The following ZC3H13 variants were observed in gnomAD, a reference collection of about 807,000 sequenced individuals.
ZC3H13 encodes the protein zinc finger CCCH domain-containing protein 13.
ZC3H13 carries 64 observed loss-of-function variants against 204.1 expected under a neutral mutation model. That is an observed-to-expected ratio of 0.31 (90% CI 0.26 to 0.39). The LOEUF (loss-of-function observed/expected upper bound fraction) is 0.39, where lower values mean the gene tolerates loss of function less well. Ranked by LOEUF, ZC3H13 falls within the 10% of genes least tolerant of loss-of-function variation. The pLI is 1.00. For missense variants in ZC3H13, 1,833 were observed against 2,082.7 expected (o/e 0.88, Z 2.33); for synonymous variants, 667 against 693.7 (o/e 0.96, Z 0.60).
At chr13:45,998,594 A>G in intron 8 of ZC3H13, among the ~76,000 whole-genome samples, 1 of 152,048 alleles carries the variant, frequency 6.6e-6, no homozygotes, top group East Asian at 1.9e-4. Flanking sequence ...GCTTGCAATG[A>G]GCCAAGATTG....
At chr13:46,027,146 C>A (rs2042588576) in intron 4 of ZC3H13, among the ~76,000 whole-genome samples, 1 of 152,030 alleles carries the variant, frequency 6.6e-6, no homozygotes, top group South Asian at 2.1e-4. Context: ...AGCTCTGTTA[C>A]CCAGGCTGCA....
rs150275970 is a variant in ZC3H13, at chr13:45,969,002, C to G, written c.3542G>C (p.Arg1181Pro). Residue 1181 changes from arginine to proline, a missense_variant, in exon 14 of 19, where the codon CGC becomes CCC. By Grantham distance (103) the Arg-to-Pro change is moderately radical. This residue lies in a region of ZC3H13 where 1,574 missense variants were observed against 1,757.2 expected (regional missense o/e 0.90). Coordinates refer to ENST00000679008, the MANE Select transcript of ZC3H13 (RefSeq NM_001330564.2). ...GCTCCTCTTTTGATCCATAGGCTTG[C>G]GATGCTGTGCATCTTCTATAGTCAC... ...PHVTIEDAQH[R>P]KPMDQKRSSS... 2 of 1,614,146 alleles carry G rather than the reference C, an allele frequency of 1.2e-6. No homozygotes were observed. The highest frequency in any genetic ancestry group is 2.7e-5 in the African/African-American group (2 of 75,036).
rs1277422428 is a variant in ZC3H13 at position 45,955,658 on chromosome 13, C to T, written c.*1469G>A. On this transcript the variant is annotated 3_prime_UTR_variant, in exon 19 of 19. Transcript: ENST00000679008. ...AGTGGCTTCCTGAAGGGTATTCATT[C>T]TCTGAGGTCATACATTTTTTTTTTC... 1 of 151,980 alleles carries T rather than the reference C, an allele frequency of 6.6e-6. No homozygotes were observed. The highest frequency in any genetic ancestry group is 1.5e-5 in the Non-Finnish European group (1 of 67,940). 9.4% of individuals were successfully genotyped at this position (151,980 alleles called of 1,614,324 possible).
chr13:46,016,249 G>C (rs189963616), intron 5 of ZC3H13, among the ~76,000 whole-genome samples: 1 of 152,186 alleles, frequency 6.6e-6, no homozygotes, highest in Non-Finnish European at 1.5e-5. Flanking sequence ...ATATGTGTCT[G>C]TACATGTTTA....
At chr13:46,029,466 T>C (rs1450515641) in intron 4 of ZC3H13, among the ~76,000 whole-genome samples, 1 of 147,982 alleles carries the variant, frequency 6.8e-6, no homozygotes, top group Non-Finnish European at 1.5e-5. Context: ...TCTCGCTCTG[T>C]CGCCCAGGCT....
At position 45,957,340 on chromosome 13, in the gene ZC3H13, T is replaced by C. The variant is rs569335587; in HGVS notation, c.4840-43A>G. 7.9e-6 allele frequency: 11 copies of C among 1,400,196 alleles called. No homozygotes were observed. The African/African-American group carries it at 1.4e-4, about 18-fold the overall frequency. The allele number at this position is 1,400,196 out of a possible 1,614,324, so 86.7% of individuals were successfully genotyped here. A position where few individuals can be genotyped will look rare whatever the true frequency, so the allele number is the denominator to read the frequency against. Reference sequence around the variant, plus strand: ...AAACAAACTTTAAAAAAGATGTACATTATTAGTAGGAAAGATGGGCAGGTT... The same window carrying C: ...AAACAAACTTTAAAAAAGATGTACACTATTAGTAGGAAAGATGGGCAGGTT... On this transcript the variant is annotated intron_variant, in intron 18 of 18. Transcript: ENST00000679008.
intron 4 of ZC3H13, among the ~76,000 whole-genome samples, chr13:46,022,085 G>T (rs939522833): frequency 2.0e-5 from 3 of 151,830 alleles, no homozygotes; most frequent in Non-Finnish European, 4.4e-5. Flanking sequence ...TTTTTTATCA[G>T]ATTTAGAGCC....
At chr13:45,981,981 C>G (rs1034471846) in intron 10 of ZC3H13, among the ~76,000 whole-genome samples, 1 of 150,728 alleles carries the variant, frequency 6.6e-6, no homozygotes, top group East Asian at 1.9e-4. Context: ...AACTAACCTG[C>G]ACATTGTGCA....
chr13:45,988,806 T>C lies in ZC3H13; in HGVS notation c.1236A>G (p.Arg412=), dbSNP rs759047771. The C allele has an allele frequency of 2.5e-6, 4 of 1,612,640 alleles. No individual in the cohort carries two copies. In the Admixed American group the frequency reaches 6.7e-5, roughly 27 times the overall value. Residue 412 remains arginine, a synonymous_variant, in exon 9 of 19, where the codon CGA becomes CGG. Coordinates refer to ENST00000679008, the MANE Select transcript of ZC3H13 (RefSeq NM_001330564.2). ...ACACACCTTCCCTCCTTTCATGGCG[T>C]CGATCATGAGACTGTGAAGTTCGTT... is the stretch of plus-strand genomic sequence containing the variant. ...DHERTSQSHD[R]RHERREDTRG... is the part of the protein sequence containing the mutation.
chr13:45,999,027 C>G (rs1374186795), intron 8 of ZC3H13, among the ~76,000 whole-genome samples: 1 of 152,106 alleles, frequency 6.6e-6, no homozygotes, highest in Non-Finnish European at 1.5e-5. Flanking sequence ...TACTTGAGTC[C>G]AGGAGTTCAA....
Position 45,965,276 on chromosome 13 carries a change from T to C in ZC3H13, c.4474+4A>G, listed in dbSNP as rs774297020. On this transcript the variant is annotated splice_donor_region_variant and intron_variant, in intron 16 of 18. Coordinates refer to ENST00000679008, the MANE Select transcript of ZC3H13 (RefSeq NM_001330564.2). ...CATGTTTAACCACCTCTGCAAATAG[T>C]TACCTGGCATCTTCTCCTCATCCTG... 3 of 1,612,572 alleles carry C rather than the reference T, an allele frequency of 1.9e-6. No homozygotes were observed. The highest frequency in any genetic ancestry group is 1.7e-5 in the Admixed American group (1 of 59,796).
Position 45,957,147 on chromosome 13 carries a change from G to A in ZC3H13, c.4990C>T (p.Gln1664Ter), listed in dbSNP as rs1418163050. The A allele has an allele frequency of 3.4e-5, 53 of 1,539,812 alleles. No individual in the cohort carries two copies. The highest frequency in any genetic ancestry group is 6.0e-5 in the Admixed American group (3 of 50,028). The change falls in exon 19 of 19, where the codon CAG (glutamine) becomes TAG (stop). Residue 1664 changes from glutamine (Q) to a stop codon, truncating the protein, a stop_gained. Transcript: ENST00000679008. LOFTEE classifies it high-confidence loss of function. The part of the protein sequence containing the change: ...DNKLSQSSIQ[Q>*]ELCVS ...CGGTCTTAAGACACACACAGTTCCTGTTGGATACTGGACTGTGAAAGTTTA... is the reference window on the plus strand; with the variant it reads ...CGGTCTTAAGACACACACAGTTCCTATTGGATACTGGACTGTGAAAGTTTA...
At chr13:46,028,242 G>A (rs1249595514) in intron 4 of ZC3H13, among the ~76,000 whole-genome samples, 1 of 152,150 alleles carries the variant, frequency 6.6e-6, no homozygotes, top group Non-Finnish European at 1.5e-5. Context: ...GAGGAGCACT[G>A]CATAATGATA....
intron 8 of ZC3H13, among the ~76,000 whole-genome samples, chr13:45,998,071 G>A (rs946317617): frequency 1.1e-4 from 16 of 152,178 alleles, no homozygotes; most frequent in Middle Eastern, 3.4e-3. Flanking sequence ...CTACTAATAC[G>A]CCCATTATGA....
At chr13:45,962,989 C>T in intron 17 of ZC3H13, 5 of 985,412 alleles carry the variant, frequency 5.1e-6, no homozygotes, top group Non-Finnish European at 6.0e-6. Context: ...AAAATTGCTG[C>T]AGTGAGGTCA....
At chr13:46,024,100 C>T (rs2042386357) in intron 4 of ZC3H13, among the ~76,000 whole-genome samples, 1 of 152,160 alleles carries the variant, frequency 6.6e-6, no homozygotes, top group Non-Finnish European at 1.5e-5. Flanking sequence ...GGATCAATTC[C>T]CCAAATCACA....
At chr13:46,041,267 T>C (rs1449698210) in intron 4 of ZC3H13, among the ~76,000 whole-genome samples, 2 of 152,118 alleles carry the variant, frequency 1.3e-5, no homozygotes, top group East Asian at 3.8e-4. Context: ...AAAATACTGA[T>C]GCATCCCATA....
At chr13:45,995,318 T>C (rs80293681) in intron 8 of ZC3H13, among the ~76,000 whole-genome samples, 2,156 of 152,314 alleles carry the variant, frequency 0.014, 46 homozygotes, top group African/African-American at 0.049. Flanking sequence ...GGTCATAAAC[T>C]CTTTCTAGAT....
intron 16 of ZC3H13, among the ~76,000 whole-genome samples, chr13:45,964,322 T>A (rs755158994): frequency 6.6e-6 from 1 of 152,216 alleles, no homozygotes; most frequent in Non-Finnish European, 1.5e-5. Context: ...GAAAGAACTC[T>A]ATTGATTTCA....
Sources: allele counts gnomAD v4.1 joint callset (sites outside exome capture counted in the v4.1 genomes callset), GRCh38; gene constraint gnomAD v4.1.1; regional missense constraint gnomAD v4.1.1; transcripts MANE v1.5; gene names NCBI Gene and HGNC (gene_info 2026-07-23, HGNC 2026-07-21).